TEK: variants seen among roughly 807,000 people sequenced by gnomAD.
The protein encoded by TEK is angiopoietin-1 receptor.
Under a neutral mutation model 131.8 loss-of-function variants are expected in TEK, and 43 were observed. The ratio of observed to expected loss-of-function variants is 0.33; its 90% CI spans 0.26 to 0.42. The LOEUF (loss-of-function observed/expected upper bound fraction) is 0.42. TEK is among the 10% of genes least tolerant of loss of function. The pLI is 1.00. For missense variants in TEK, 1,162 were observed against 1,384.4 expected (o/e 0.84, Z 2.55); for synonymous variants, 580 against 491.6 (o/e 1.18, Z -2.38).
intron 1 of TEK, among the ~76,000 whole-genome samples, chr9:27,137,241 T>C (rs1202019325): frequency 1.3e-5 from 2 of 152,116 alleles, no homozygotes; most frequent in Non-Finnish European, 2.9e-5. Flanking sequence ...TGATAAAACT[T>C]CACGGATATT....
At chr9:27,157,647 AG>A (rs1823384018) in intron 1 of TEK, among the ~76,000 whole-genome samples, 183 bp from the exon 2 acceptor site, 2 of 152,276 alleles carry the variant, frequency 1.3e-5, no homozygotes, top group South Asian at 4.1e-4. Context: ...TAGCTGATGA[AG>A]GGTCTTGATG....
intron 1 of TEK, among the ~76,000 whole-genome samples, chr9:27,111,299 T>G (rs1196395162): frequency 6.6e-6 from 1 of 152,210 alleles, no homozygotes; most frequent in East Asian, 1.9e-4. Context: ...GAGGTAGGTC[T>G]GTTGTCTTGA....
Position 27,183,461 on chromosome 9 carries a change from A to C in TEK, c.1033A>C (p.Ile345Leu). ...WQGLQCEREG[I>L]QRMTPKIVDL... ...ACAGTGCTGTTTTCTTCCTTCAGGC[A>C]TACAGAGGATGACCCCAAAGATAGT... The change falls in exon 8 of 23, where the codon ATA becomes CTA. Residue 345 changes from isoleucine (I) to leucine (L), a missense_variant and splice_region_variant. Transcript: ENST00000380036. 6.2e-7 allele frequency: 1 copy of C among 1,613,752 alleles called. No individual in the cohort carries two copies. The highest frequency in any genetic ancestry group is 8.5e-7 in the Non-Finnish European group (1 of 1,179,712).
At chr9:27,171,117 CT>C (rs1250524388) in intron 4 of TEK, among the ~76,000 whole-genome samples, 2 of 152,086 alleles carry the variant, frequency 1.3e-5, no homozygotes, top group East Asian at 1.9e-4. Context: ...CTAGTAAAAA[CT>C]TTTTTTCTCC....
intron 6 of TEK, among the ~76,000 whole-genome samples, chr9:27,175,578 G>A (rs28517497): frequency 0.45 from 68,025 of 151,650 alleles, 15,475 homozygotes; most frequent in Admixed American, 0.58. Flanking sequence ...CTTCCACAAT[G>A]GTTGAACTAG....
rs1219758232 is a variant in TEK, at chr9:27,136,913, CTTTG to C, written c.53-20914_53-20911del. Among the ~76,000 whole-genome samples, 17 of 152,076 alleles carry C rather than the reference CTTTG, an allele frequency of 1.1e-4. No individual in the cohort carries two copies. The South Asian group carries it at 2.1e-3, about 19-fold the overall frequency. ...AAAAAATCTCTCCATGTTTTTAAAT[CTTTG>C]TTTATTTATTTATTTTTGAAATGGA... is the stretch of plus-strand genomic sequence containing the variant. On this transcript the variant is annotated intron_variant, in intron 1 of 22. Coordinates refer to ENST00000380036, the MANE Select transcript of TEK (RefSeq NM_000459.5).
At chr9:27,123,623 TTTTA>T (rs1459296477) in intron 1 of TEK, among the ~76,000 whole-genome samples, 1 of 152,206 alleles carries the variant, frequency 6.6e-6, no homozygotes, top group Non-Finnish European at 1.5e-5. Flanking sequence ...GCATAATCTT[TTTTA>T]TTGTTTTTGA....
chr9:27,133,127 A>G (rs1266455530), intron 1 of TEK, among the ~76,000 whole-genome samples: 1 of 152,228 alleles, frequency 6.6e-6, no homozygotes, highest in African/African-American at 2.4e-5. Context: ...TGCCTGAAAT[A>G]AATACTTCCT....
rs925368498 is a variant in TEK, at chr9:27,204,820, C to T, written c.2210-91C>T. 3.2e-6 allele frequency: 5 copies of T among 1,564,522 alleles called. No individual in the cohort carries two copies. The African/African-American group carries it at 5.4e-5, about 17-fold the overall frequency. The stretch of plus-strand genomic sequence containing the variant: ...GCAGGGTTAAGGCTGCTGTTAAGTT[C>T]CCATTACACTGTGTCTTCTCCCACA... On this transcript the variant is annotated intron_variant, in intron 13 of 22. Coordinates refer to ENST00000380036, the MANE Select transcript of TEK (RefSeq NM_000459.5).
intron 1 of TEK, among the ~76,000 whole-genome samples, chr9:27,114,984 G>A (rs572947029): frequency 6.6e-6 from 1 of 152,024 alleles, no homozygotes; most frequent in Non-Finnish European, 1.5e-5. Flanking sequence ...GTACTGTCCT[G>A]GAAACTAGGA....
chr9:27,135,663 G>C (rs897159886), intron 1 of TEK, among the ~76,000 whole-genome samples: 1 of 152,142 alleles, frequency 6.6e-6, no homozygotes. Context: ...ACCAATCTGA[G>C]GCACAGAGGC....
At chr9:27,120,096 A>C (rs1217159967) in intron 1 of TEK, among the ~76,000 whole-genome samples, 1 of 152,148 alleles carries the variant, frequency 6.6e-6, no homozygotes, top group Non-Finnish European at 1.5e-5. Flanking sequence ...CATTGCTACC[A>C]CTTCAGAATC....
chr9:27,111,821 T>C (rs1354022549), intron 1 of TEK, among the ~76,000 whole-genome samples: 1 of 152,062 alleles, frequency 6.6e-6, no homozygotes, highest in Non-Finnish European at 1.5e-5. Flanking sequence ...TATCATAGTA[T>C]CTTCTACGTG....
At chr9:27,192,728 T>TGGGGGGGGGG in intron 11 of TEK, 105 bp downstream of exon 11, 1 of 161,302 alleles carries the variant, frequency 6.2e-6, no homozygotes, top group Admixed American at 7.7e-5. Context: ...AGTGGGTGGG[T>TGGGGGGGGGG]GGGGATGGAG....
intron 18 of TEK, among the ~76,000 whole-genome samples, chr9:27,215,577 T>TA (rs1338868704): frequency 1.7e-3 from 218 of 131,788 alleles, no homozygotes; most frequent in Middle Eastern, 8.3e-3. Context: ...TTTTTTTTTT[T>TA]AAGTTACCCA....
At chr9:27,145,344 T>A (rs1346706857) in intron 1 of TEK, among the ~76,000 whole-genome samples, 1 of 152,148 alleles carries the variant, frequency 6.6e-6, no homozygotes, top group Non-Finnish European at 1.5e-5. Context: ...CCCATGTGGG[T>A]TTGAAGTGTG....
intron 1 of TEK, among the ~76,000 whole-genome samples, chr9:27,111,982 T>C (rs1283559835): frequency 6.7e-6 from 1 of 148,620 alleles, no homozygotes; most frequent in East Asian, 2.1e-4. Flanking sequence ...CACTGCAACC[T>C]CCGCCTCCCA....
At chr9:27,164,415 G>A (rs1423913373) in intron 2 of TEK, among the ~76,000 whole-genome samples, 3 of 151,684 alleles carry the variant, frequency 2.0e-5, no homozygotes, top group Non-Finnish European at 1.5e-5. Flanking sequence ...CGCCTCCTGG[G>A]TTCACGCCAT....
intron 1 of TEK, among the ~76,000 whole-genome samples, chr9:27,145,668 T>A (rs951902236): frequency 1.3e-5 from 2 of 152,200 alleles, no homozygotes; most frequent in Non-Finnish European, 2.9e-5. Context: ...CACAAAATAG[T>A]CACCTGGGTT....
Sources: gnomAD v4.1 joint callset for allele counts (sites outside exome capture counted in the v4.1 genomes callset) on GRCh38, gnomAD v4.1.1 for gene constraint, MANE v1.5 for transcripts, NCBI Gene and HGNC (gene_info 2026-07-23, HGNC 2026-07-21) for gene names.